ITGA8: variants seen among roughly 807,000 people sequenced by gnomAD.
The protein encoded by ITGA8 is integrin alpha-8.
Under a neutral mutation model 142.3 loss-of-function variants are expected in ITGA8, and 91 were observed. The observed-to-expected ratio is 0.64, with a 90% CI of 0.54 to 0.76. ITGA8 has a LOEUF of 0.76. ITGA8 is among the 30% of genes least tolerant of loss of function. The pLI, the probability that ITGA8 is intolerant of heterozygous loss-of-function variation, is 0.00. For synonymous variants in ITGA8, 505 were observed against 485.2 expected (o/e 1.04, Z -0.54); for missense variants, 1,406 against 1,327.7 (o/e 1.06, Z -0.92).
At chr10:15,600,251 T>TA (rs528569960) in intron 20 of ITGA8, among the ~76,000 whole-genome samples, 12 of 149,142 alleles carry the variant, frequency 8.0e-5, no homozygotes, top group East Asian at 1.9e-4. Context: ...CTAATGCTAT[T>TA]AAAAAAAAAA....
At chr10:15,637,743 C>T (rs1045462335) in intron 13 of ITGA8, among the ~76,000 whole-genome samples, 1 of 151,974 alleles carries the variant, frequency 6.6e-6, no homozygotes, top group African/African-American at 2.4e-5. Context: ...AACTCCTGCC[C>T]TGGCCTGCCA....
intron 24 of ITGA8, among the ~76,000 whole-genome samples, chr10:15,573,805 C>T (rs1834232205): frequency 6.6e-6 from 1 of 151,586 alleles, no homozygotes; most frequent in Admixed American, 6.6e-5. Context: ...ATGGTTTTAC[C>T]AAAATTCCCT....
At chr10:15,666,933 A>T (rs1425016048) in intron 8 of ITGA8, among the ~76,000 whole-genome samples, 2 of 152,154 alleles carry the variant, frequency 1.3e-5, no homozygotes, top group African/African-American at 2.4e-5. Context: ...TACTTTATTG[A>T]GGATTTTTGC....
intron 7 of ITGA8, among the ~76,000 whole-genome samples, chr10:15,672,052 T>G (rs1441502282): frequency 6.6e-6 from 1 of 152,186 alleles, no homozygotes; most frequent in Non-Finnish European, 1.5e-5. Context: ...GTTTTGCTAT[T>G]TCTGGTCACC....
At chr10:15,649,364 C>T (rs1834044296) in intron 11 of ITGA8, among the ~76,000 whole-genome samples, 1 of 151,988 alleles carries the variant, frequency 6.6e-6, no homozygotes, top group South Asian at 2.1e-4. Flanking sequence ...GTCACAGTGG[C>T]TCATGCCTGT....
At chr10:15,640,611 C>T (rs978820162) in intron 13 of ITGA8, among the ~76,000 whole-genome samples, 1 of 152,116 alleles carries the variant, frequency 6.6e-6, no homozygotes, top group Non-Finnish European at 1.5e-5. Flanking sequence ...TTTGTTACTT[C>T]CCAGGCAAAA....
chr10:15,529,312 C>T lies in ITGA8; in HGVS notation c.2982+1738G>A, dbSNP rs1277278989. On this transcript the variant is annotated intron_variant, in intron 28 of 29. Coordinates refer to ENST00000378076, the MANE Select transcript of ITGA8 (RefSeq NM_003638.3). ...TATTGAGATTTGACACTAACTTGTT[C>T]CAGGTACAATGCTAGAGCTTTATAC... 3.3e-5 allele frequency among the ~76,000 whole-genome samples: 5 copies of T among 152,286 alleles called. No homozygotes were observed. In the South Asian group the frequency reaches 8.3e-4, roughly 25 times the overall value.
intron 27 of ITGA8, among the ~76,000 whole-genome samples, chr10:15,533,913 C>CTTTTTT (rs572087349): frequency 1.4e-5 from 2 of 146,696 alleles, no homozygotes; most frequent in Non-Finnish European, 3.0e-5. Flanking sequence ...CATCACCAAT[C>CTTTTTT]TTTTTTTTTT....
chr10:15,705,056 C>A (rs1835233112), intron 2 of ITGA8, among the ~76,000 whole-genome samples: 1 of 151,902 alleles, frequency 6.6e-6, no homozygotes, highest in African/African-American at 2.4e-5. Context: ...AATAGGTACC[C>A]CAGAATTCAA....
intron 21 of ITGA8, among the ~76,000 whole-genome samples, chr10:15,594,319 G>A (rs917848434): frequency 6.6e-6 from 1 of 152,048 alleles, no homozygotes; most frequent in African/African-American, 2.4e-5. Context: ...GCTGGGCCAG[G>A]CAGAATTGTT....
Position 15,606,408 on chromosome 10 carries a change from G to C in ITGA8, c.1779C>G (p.Phe593Leu). Residue 593 changes from phenylalanine to leucine, a missense_variant, in exon 18 of 30, where the codon TTC becomes TTG. Coordinates refer to ENST00000378076, the MANE Select transcript of ITGA8 (RefSeq NM_003638.3). ...FIVYLRDETE[F>L]RDKLSPINIS... is the part of the protein sequence containing the mutation. ...TGTTGATTGGAGATAATTTATCTCG[G>C]AATTCAGTTTCATCCTAGGAAAAAT... 1.3e-6 allele frequency: 2 copies of C among 1,593,790 alleles called. No homozygotes were observed. The highest frequency in any genetic ancestry group is 1.7e-6 in the Non-Finnish European group (2 of 1,163,934).
intron 11 of ITGA8, among the ~76,000 whole-genome samples, chr10:15,654,075 A>G (rs2131663824): frequency 6.6e-6 from 1 of 152,206 alleles, no homozygotes; most frequent in East Asian, 1.9e-4. Context: ...ACCTCAGGTG[A>G]TCCACCCGCC....
chr10:15,549,991 C>G (rs190336547), intron 26 of ITGA8, among the ~76,000 whole-genome samples: 2 of 152,124 alleles, frequency 1.3e-5, no homozygotes, highest in African/African-American at 2.4e-5. Context: ...TGTCCCCACC[C>G]AAATCTCATC....
At chr10:15,672,179 G>T (rs543639578) in intron 7 of ITGA8, among the ~76,000 whole-genome samples, 1 of 152,262 alleles carries the variant, frequency 6.6e-6, no homozygotes, top group Admixed American at 6.5e-5. Context: ...AATTCATCAA[G>T]CAATCAAATG....
intron 10 of ITGA8, 68 bp downstream of exon 10, chr10:15,658,931 G>T: frequency 9.8e-7 from 1 of 1,024,396 alleles, no homozygotes; most frequent in South Asian, 1.4e-5. Context: ...ATGAATAACT[G>T]ATATGAATAT....
intron 4 of ITGA8, among the ~76,000 whole-genome samples, chr10:15,682,456 G>T (rs909680374): frequency 6.6e-6 from 1 of 152,106 alleles, no homozygotes; most frequent in African/African-American, 2.4e-5. Context: ...TATCCATTCA[G>T]CTGACATTTG....
chr10:15,714,313 C>T (rs1364714392), intron 2 of ITGA8, among the ~76,000 whole-genome samples: 1 of 152,092 alleles, frequency 6.6e-6, no homozygotes, highest in Non-Finnish European at 1.5e-5. Flanking sequence ...GAAAGGGAAC[C>T]TTGAAGTAGA....
At position 15,718,542 on chromosome 10, in the gene ITGA8, T is replaced by C. The variant is rs116631501; in HGVS notation, c.343+224A>G. On this transcript the variant is annotated intron_variant, in intron 2 of 29. Coordinates refer to ENST00000378076, the MANE Select transcript of ITGA8 (RefSeq NM_003638.3). ...GAGTTGCCAGGATGCATCCGAACAC[T>C]CAGGGTCAAAATAGTGTCCTTTCTC... Among the ~76,000 whole-genome samples, 1,478 of 152,228 alleles carry C rather than the reference T, an allele frequency of 9.7e-3. 19 individuals are homozygous for C. Among genetic ancestry groups the C allele is most frequent in the African/African-American group, 0.034 (1,411 of 41,532 alleles).
chr10:15,694,371 C>CAT (rs1317715487), intron 2 of ITGA8, among the ~76,000 whole-genome samples: 4 of 127,098 alleles, frequency 3.1e-5, no homozygotes, highest in African/African-American at 1.3e-4. Context: ...GATAATATAT[C>CAT]ATATATGATA....
Sources: gnomAD v4.1 joint callset for allele counts (sites outside exome capture counted in the v4.1 genomes callset) on GRCh38, gnomAD v4.1.1 for gene constraint, MANE v1.5 for transcripts, NCBI Gene and HGNC (gene_info 2026-07-23, HGNC 2026-07-21) for gene names.